SEMA6A: variants seen among roughly 807,000 people sequenced by gnomAD.
SEMA6A encodes the protein semaphorin-6A.
A neutral mutation model predicts 96.8 loss-of-function variants in SEMA6A; 25 were observed. The observed-to-expected ratio is 0.26, with a 90% CI of 0.19 to 0.36. SEMA6A has a LOEUF of 0.36. Among genes scored for constraint, SEMA6A ranks in the 10% least tolerant of loss-of-function variants. The probability of loss-of-function intolerance (pLI) is 1.00; values close to 1 mark genes in which losing one functional copy is unlikely to be tolerated. For synonymous variants in SEMA6A, 612 were observed against 518.0 expected, an observed-to-expected ratio of 1.18 and a Z score of -2.46; for missense variants, 1,363 against 1,323.1, an observed-to-expected ratio of 1.03 and a Z score of -0.47.
chr5:116,463,181 G>A (rs564128435), intron 18 of SEMA6A, among the ~76,000 whole-genome samples: 77 of 152,254 alleles, frequency 5.1e-4, no homozygotes, highest in African/African-American at 1.8e-3. Context: ...ACACCAAACT[G>A]AGACTTTTCC....
chr5:116,554,186 G>C (rs1393398783), intron 1 of SEMA6A, among the ~76,000 whole-genome samples: 1 of 152,192 alleles, frequency 6.6e-6, no homozygotes, highest in Non-Finnish European at 1.5e-5. Flanking sequence ...CCGGCACATA[G>C]ATGGGAACAG....
At chr5:116,466,477 C>G (rs1001595126) in intron 18 of SEMA6A, among the ~76,000 whole-genome samples, 1 of 151,422 alleles carries the variant, frequency 6.6e-6, no homozygotes, top group Admixed American at 6.6e-5. Context: ...AAGAACAAGA[C>G]AAAAGGGGCT....
intron 18 of SEMA6A, among the ~76,000 whole-genome samples, chr5:116,451,326 C>T (rs892155423): frequency 6.6e-6 from 1 of 152,198 alleles, no homozygotes; most frequent in African/African-American, 2.4e-5. Flanking sequence ...GTCGCAGCTG[C>T]TCCATTGGAT....
At chr5:116,551,317 T>TACACACATACACACACAC (rs1760397850) in intron 1 of SEMA6A, among the ~76,000 whole-genome samples, 6 of 142,526 alleles carry the variant, frequency 4.2e-5, no homozygotes, top group Non-Finnish European at 9.1e-5. Context: ...AGTCTTAGCA[T>TACACACATACACACACAC]ACACACACAC....
intron 7 of SEMA6A, among the ~76,000 whole-genome samples, chr5:116,490,887 G>A (rs943836069): frequency 2.0e-5 from 3 of 152,172 alleles, no homozygotes; most frequent in Admixed American, 6.5e-5. Flanking sequence ...TACACAGCTG[G>A]TAATGAATTC....
chr5:116,464,485 A>C (rs1755607623), intron 18 of SEMA6A, among the ~76,000 whole-genome samples: 1 of 152,166 alleles, frequency 6.6e-6, no homozygotes, highest in African/African-American at 2.4e-5. Context: ...TTCTATGATA[A>C]TGCTTCCGCG....
intron 13 of SEMA6A, 28 bp from the exon 14 acceptor site, chr5:116,478,182 T>TA: frequency 6.2e-7 from 1 of 1,609,984 alleles, no homozygotes; most frequent in Non-Finnish European, 8.5e-7. Context: ...GATAATATCA[T>TA]TAATAGACTC....
At position 116,446,605 on chromosome 5, in the gene SEMA6A, C is replaced by A. The variant is rs756679773; in HGVS notation, c.*8G>T. 1 of 1,471,482 alleles carries A rather than the reference C, an allele frequency of 6.8e-7. No individual in the cohort carries two copies. Among genetic ancestry groups the A allele is most frequent in the South Asian group, 1.4e-5 (1 of 69,188 alleles). 91.2% of individuals were successfully genotyped at this position (1,471,482 alleles called of 1,614,324 possible). A position where few individuals can be genotyped will look rare whatever the true frequency, so the allele number is the denominator to read the frequency against. On this transcript the variant is annotated 3_prime_UTR_variant, in exon 19 of 19. Transcript: ENST00000343348. ...GCTGGTTCGACACCTGACCCCCTCC[C>A]CCTGGGATTATGTACACGCATCATT...
chr5:116,512,790 C>G (rs1166145217), intron 1 of SEMA6A, among the ~76,000 whole-genome samples: 1 of 151,478 alleles, frequency 6.6e-6, no homozygotes, highest in Admixed American at 6.6e-5. Context: ...CAGATACAGT[C>G]TCATGGCCCA....
chr5:116,561,449 T>G (rs959947195), intron 1 of SEMA6A, among the ~76,000 whole-genome samples: 1 of 152,206 alleles, frequency 6.6e-6, no homozygotes, highest in South Asian at 2.1e-4. Flanking sequence ...TTGAGCACTT[T>G]AAACATGGCC....
In SEMA6A at chr5:116,564,019, C is replaced by T. The variant is rs368945738; in HGVS notation, c.-39+10166G>A. ...TAAAGTGTTTCTCCACAAGAAATTC[C>T]GGTGCCTAGAAGCCCGGTGAAACCA... On this transcript the variant is annotated intron_variant, in intron 1 of 18. Transcript: ENST00000343348. 5.3e-5 allele frequency among the ~76,000 whole-genome samples: 8 copies of T among 152,298 alleles called. No homozygotes were observed. The South Asian group carries it at 1.2e-3, about 24-fold the overall frequency.
intron 15 of SEMA6A, among the ~76,000 whole-genome samples, chr5:116,477,565 C>A (rs1445608656): frequency 6.6e-6 from 1 of 152,208 alleles, no homozygotes; most frequent in Non-Finnish European, 1.5e-5. Context: ...TCAAGGCAGG[C>A]ACCTTCTTGT....
intron 1 of SEMA6A, among the ~76,000 whole-genome samples, 191 bp from the exon 2 acceptor site, chr5:116,505,173 G>C (rs1758086192): frequency 2.0e-5 from 3 of 152,092 alleles, no homozygotes; most frequent in Admixed American, 2.0e-4. Flanking sequence ...CCACGCATCT[G>C]AGCCCTTTTG....
At chr5:116,555,989 C>T (rs1760590189) in intron 1 of SEMA6A, among the ~76,000 whole-genome samples, 1 of 152,126 alleles carries the variant, frequency 6.6e-6, no homozygotes, top group Admixed American at 6.5e-5. Flanking sequence ...TGAGGAAATA[C>T]TTGATATTAT....
chr5:116,512,602 G>C (rs976592304), intron 1 of SEMA6A, among the ~76,000 whole-genome samples: 1 of 152,134 alleles, frequency 6.6e-6, no homozygotes, highest in Non-Finnish European at 1.5e-5. Context: ...AAAAAATAAA[G>C]GTTGGTTGTA....
chr5:116,482,697 C>A (rs1756845729), intron 10 of SEMA6A, 122 bp from the exon 11 acceptor site: 3 of 904,558 alleles, frequency 3.3e-6, no homozygotes, highest in Non-Finnish European at 5.0e-6. Flanking sequence ...ACCTTGGACA[C>A]TATAAATATA....
At chr5:116,475,433 C>T (rs796946611) in intron 16 of SEMA6A, 112 bp downstream of exon 16, 63 of 626,214 alleles carry the variant, frequency 1.0e-4, no homozygotes, top group African/African-American at 9.4e-4. Flanking sequence ...CCGTCATTTA[C>T]GCATGCTTTA....
chr5:116,460,803 T>G (rs1166742541), intron 18 of SEMA6A, among the ~76,000 whole-genome samples: 1 of 79,064 alleles, frequency 1.3e-5, no homozygotes, highest in Non-Finnish European at 2.8e-5. Flanking sequence ...TTTTTTTTTT[T>G]GAGACAAAGT....
At chr5:116,470,226 T>C (rs1037611808) in intron 17 of SEMA6A, among the ~76,000 whole-genome samples, 4 of 152,210 alleles carry the variant, frequency 2.6e-5, no homozygotes, top group Non-Finnish European at 5.9e-5. Flanking sequence ...AAACCACTTA[T>C]ATTCCATCTT....
Sources: gnomAD v4.1 joint callset for allele counts (sites outside exome capture counted in the v4.1 genomes callset) on GRCh38, gnomAD v4.1.1 for gene constraint, MANE v1.5 for transcripts, NCBI Gene and HGNC (gene_info 2026-07-23, HGNC 2026-07-21) for gene names.